Variants in GARNL3 observed in about 807,000 individuals in gnomAD.
The protein encoded by GARNL3 is GTPase activating Rap/RanGAP domain like 3.
A neutral mutation model predicts 125.0 loss-of-function variants in GARNL3; 63 were observed. The observed-to-expected ratio is 0.50, with a 90% CI of 0.41 to 0.62. The LOEUF (loss-of-function observed/expected upper bound fraction) is 0.62. Ranked by LOEUF, GARNL3 falls within the 20% of genes least tolerant of loss-of-function variation. GARNL3 has a pLI of 0.00. For synonymous variants in GARNL3, 439 were observed against 457.5 expected (o/e 0.96, Z 0.52); for missense variants, 994 against 1,244.0 (o/e 0.80, Z 3.02).
intron 16 of GARNL3, among the ~76,000 whole-genome samples, chr9:127,346,435 C>G (rs1027871279): frequency 2.6e-5 from 4 of 152,174 alleles, no homozygotes; most frequent in African/African-American, 7.2e-5. Flanking sequence ...AAACCACAAC[C>G]AACTTCAGAC....
At position 127,392,208 on chromosome 9, in the gene GARNL3, AG is replaced by A. The variant is rs1259368959; in HGVS notation, c.2871-872del. Among the ~76,000 whole-genome samples, 2 of 152,272 alleles carry A rather than the reference AG, an allele frequency of 1.3e-5. No homozygotes were observed. Among genetic ancestry groups the A allele is most frequent in the African/African-American group, 4.8e-5 (2 of 41,474 alleles). On this transcript the variant is annotated intron_variant, in intron 27 of 27. Coordinates refer to ENST00000373387, the MANE Select transcript of GARNL3 (RefSeq NM_032293.5). This position sits in a 1 kb window ranked among gnomAD's most constrained non-coding sequence, Gnocchi z 5.2. ...ATAACCTGACAAGGCCCCTGCCCTC[AG>A]GGACTTTGCATTCTAGTGTGGGAAA...
chr9:127,289,731 G>A (rs1336021771), intron 1 of GARNL3, among the ~76,000 whole-genome samples: 1 of 152,144 alleles, frequency 6.6e-6, no homozygotes, highest in Non-Finnish European at 1.5e-5. Flanking sequence ...TCATTCCCAG[G>A]TCTTAGAGAT....
chr9:127,264,084 T>C (rs1309755318), upstream of GARNL3: 9 of 862,150 alleles, frequency 1.0e-5, no homozygotes, highest in Admixed American at 2.6e-5. Flanking sequence ...TTTTATTTTC[T>C]ATGTTATCGT....
At chr9:127,237,642 G>A (rs2063136956) in intron 1 of GARNL3, among the ~76,000 whole-genome samples, 1 of 152,218 alleles carries the variant, frequency 6.6e-6, no homozygotes, top group Non-Finnish European at 1.5e-5. Flanking sequence ...AAGGTTCCCT[G>A]TACATGGGTG....
At chr9:127,256,662 TTTAAA>T (rs1021948463) in intron 2 of GARNL3, among the ~76,000 whole-genome samples, 15 of 152,198 alleles carry the variant, frequency 9.9e-5, no homozygotes, top group Non-Finnish European at 1.5e-4. Context: ...GATACAGTAT[TTTAAA>T]TTAAACTTTT....
At chr9:127,338,468 G>A (rs549417693) in intron 12 of GARNL3, among the ~76,000 whole-genome samples, 1 of 152,222 alleles carries the variant, frequency 6.6e-6, no homozygotes, top group East Asian at 1.9e-4. Flanking sequence ...TTATCTTTCT[G>A]TTCTCAAATA....
At chr9:127,332,167 G>A in intron 7 of GARNL3, 107 bp from the exon 8 acceptor site, 1 of 753,624 alleles carries the variant, frequency 1.3e-6, no homozygotes, top group African/African-American at 1.7e-5. Context: ...TCCCCTGACT[G>A]TCCATCCTGG....
intron 24 of GARNL3, 86 bp from the exon 25 acceptor site, chr9:127,387,107 G>A: frequency 7.2e-7 from 1 of 1,394,436 alleles, no homozygotes; most frequent in Non-Finnish European, 9.9e-7. Flanking sequence ...GGACCAGTTG[G>A]AGGGTTTGCA....
At chr9:127,250,372 G>T (rs573959137) in intron 2 of GARNL3, among the ~76,000 whole-genome samples, 1 of 152,346 alleles carries the variant, frequency 6.6e-6, no homozygotes, top group East Asian at 1.9e-4. Context: ...GCAACATGGT[G>T]GTGGGAGCAG....
At chr9:127,251,253 C>T (rs2063396817) in intron 2 of GARNL3, among the ~76,000 whole-genome samples, 2 of 152,148 alleles carry the variant, frequency 1.3e-5, no homozygotes, top group South Asian at 2.1e-4. Context: ...GTTTTCTTGT[C>T]GTCTCCTATA....
At chr9:127,237,872 A>G (rs1205691960) in intron 1 of GARNL3, among the ~76,000 whole-genome samples, 1 of 152,218 alleles carries the variant, frequency 6.6e-6, no homozygotes, top group Admixed American at 6.5e-5. Flanking sequence ...CCAGCCACTA[A>G]GTATTCCCCA....
rs2065292651 is a variant in GARNL3, at chr9:127,318,143, T to C, written c.503+16T>C. On this transcript the variant is annotated intron_variant, in intron 5 of 27. Coordinates refer to ENST00000373387, the MANE Select transcript of GARNL3 (RefSeq NM_032293.5). ...CCATCTTAAGGTGAGTTCTAATGGGTAGAAACCCCACACATGGATTTGGAG... is the reference window on the plus strand; with the variant it reads ...CCATCTTAAGGTGAGTTCTAATGGGCAGAAACCCCACACATGGATTTGGAG... 6.7e-7 allele frequency: 1 copy of C among 1,496,480 alleles called. No individual in the cohort carries two copies. Among genetic ancestry groups the C allele is most frequent in the Non-Finnish European group, 9.3e-7 (1 of 1,072,572 alleles). 92.7% of individuals were successfully genotyped at this position (1,496,480 alleles called of 1,614,324 possible).
chr9:127,272,898 T>G (rs1253301282), intron 1 of GARNL3, among the ~76,000 whole-genome samples: 1 of 152,360 alleles, frequency 6.6e-6, no homozygotes, highest in South Asian at 2.1e-4. Flanking sequence ...AAAATTATTG[T>G]AACCATTTTC....
intron 2 of GARNL3, among the ~76,000 whole-genome samples, chr9:127,294,849 G>T (rs2064538505): frequency 6.6e-6 from 1 of 152,232 alleles, no homozygotes; most frequent in Non-Finnish European, 1.5e-5. Flanking sequence ...CTAGGGGCCT[G>T]CAGATGGCAG....
intron 21 of GARNL3, among the ~76,000 whole-genome samples, chr9:127,358,188 C>T (rs1830789856): frequency 1.3e-5 from 2 of 152,328 alleles, no homozygotes; most frequent in African/African-American, 4.8e-5. Flanking sequence ...CACTCACCAC[C>T]CTGAGGCCTG....
Position 127,385,154 on chromosome 9 carries a change from G to A in GARNL3, c.2388+9G>A. On this transcript the variant is annotated intron_variant, in intron 24 of 27. Coordinates refer to ENST00000373387, the MANE Select transcript of GARNL3 (RefSeq NM_032293.5). This position sits in a 1 kb window ranked among gnomAD's most constrained non-coding sequence, Gnocchi z 4.1. Reference sequence around the variant, plus strand: ...AGCTGGTGGCCTCCAGGGTGAGTAGGACTGGGATTTTATCTCTGAGTGGTT... The same window carrying A: ...AGCTGGTGGCCTCCAGGGTGAGTAGAACTGGGATTTTATCTCTGAGTGGTT... 6.4e-7 allele frequency: 1 copy of A among 1,567,652 alleles called. No homozygotes were observed. The highest frequency in any genetic ancestry group is 8.7e-7 in the Non-Finnish European group (1 of 1,146,342).
intron 2 of GARNL3, among the ~76,000 whole-genome samples, chr9:127,302,254 A>G (rs941123157): frequency 3.9e-5 from 6 of 152,112 alleles, no homozygotes; most frequent in Admixed American, 6.6e-5. Flanking sequence ...GAGAACTGTT[A>G]TACACTGTTG....
chr9:127,365,460 AGT>A, intron 22 of GARNL3, 94 bp downstream of exon 22: 1 of 1,007,504 alleles, frequency 9.9e-7, no homozygotes, highest in Non-Finnish European at 1.6e-6. Context: ...AGATTTACCC[AGT>A]GTATCATTCC....
At chr9:127,307,610 T>G (rs1256395343) in intron 2 of GARNL3, among the ~76,000 whole-genome samples, 2 of 152,242 alleles carry the variant, frequency 1.3e-5, no homozygotes, top group African/African-American at 4.8e-5. Flanking sequence ...ACATATTTAT[T>G]AATAGTCATA....
Sources: allele counts gnomAD v4.1 joint callset (sites outside exome capture counted in the v4.1 genomes callset), GRCh38; gene constraint gnomAD v4.1.1; non-coding constraint Gnocchi (gnomAD v3.1); transcripts MANE v1.5; gene names NCBI Gene and HGNC (gene_info 2026-07-23, HGNC 2026-07-21).